C11orf97: variants seen among roughly 807,000 people sequenced by gnomAD.
The protein encoded by C11orf97 is uncharacterized protein C11orf97.
C11orf97 carries 15 observed loss-of-function variants against 16.2 expected under a neutral mutation model. The observed-to-expected ratio is 0.93, with a 90% CI of 0.62 to 1.43. The LOEUF (loss-of-function observed/expected upper bound fraction) is 1.43. Among genes scored for constraint, C11orf97 ranks in the 40% most tolerant of loss-of-function variants. The pLI is 0.00. For synonymous variants in C11orf97, 61 were observed against 65.7 expected (o/e 0.93, Z 0.34); for missense variants, 171 against 161.2 (o/e 1.06, Z -0.33).
At chr11:94,516,435 A>G (rs1186480651) in intron 1 of C11orf97, among the ~76,000 whole-genome samples, 1 of 152,222 alleles carries the variant, frequency 6.6e-6, no homozygotes, top group Non-Finnish European at 1.5e-5. Context: ...ACATGCACAC[A>G]GTCTTTAGTT....
In C11orf97 at chr11:94,512,488, G is replaced by GA; in HGVS notation, c.-39dup. On this transcript the variant is annotated 5_prime_UTR_variant, in exon 1 of 4. Transcript: ENST00000542198. ...GCTGGGCTGCCTGCGACTGAGCTGAGAAGGAAACCGTGCCCAGGGCTCTCG... is the reference window on the plus strand; with the variant it reads ...GCTGGGCTGCCTGCGACTGAGCTGAGAAAGGAAACCGTGCCCAGGGCTCTCG... 2 of 1,270,040 alleles carry GA rather than the reference G, an allele frequency of 1.6e-6. No homozygotes were observed. Among genetic ancestry groups the GA allele is most frequent in the Non-Finnish European group, 2.0e-6 (2 of 1,007,390 alleles). The allele number at this position is 1,270,040 out of a possible 1,614,324, so 78.7% of individuals were successfully genotyped here.
chr11:94,520,869 C>T (rs1307619706), intron 2 of C11orf97, among the ~76,000 whole-genome samples: 4 of 152,198 alleles, frequency 2.6e-5, no homozygotes, highest in African/African-American at 7.2e-5. Flanking sequence ...AAACATAAAT[C>T]GTTACATGTC....
intron 2 of C11orf97, among the ~76,000 whole-genome samples, chr11:94,517,964 A>G (rs1437133964): frequency 2.6e-5 from 4 of 152,056 alleles, no homozygotes; most frequent in Non-Finnish European, 5.9e-5. Flanking sequence ...CCTGGCTAAC[A>G]CGGTGAAAAC....
chr11:94,529,261 T>G (rs1947721085), intron 3 of C11orf97, among the ~76,000 whole-genome samples: 1 of 152,024 alleles, frequency 6.6e-6, no homozygotes, highest in Non-Finnish European at 1.5e-5. Flanking sequence ...TCAATAAAAG[T>G]GTCACATAGG....
At chr11:94,528,467 T>C (rs1231661971) in intron 3 of C11orf97, among the ~76,000 whole-genome samples, 2 of 152,070 alleles carry the variant, frequency 1.3e-5, no homozygotes, top group Non-Finnish European at 2.9e-5. Flanking sequence ...TTTTCTTTAC[T>C]TTCTATCTAC....
chr11:94,524,074 T>C (rs1406912414), intron 2 of C11orf97, among the ~76,000 whole-genome samples: 2 of 152,120 alleles, frequency 1.3e-5, no homozygotes, highest in African/African-American at 4.8e-5. Context: ...TGTCTTTTTA[T>C]ATGATGATGT....
chr11:94,513,481 C>T (rs1947584970), intron 1 of C11orf97, among the ~76,000 whole-genome samples: 1 of 152,240 alleles, frequency 6.6e-6, no homozygotes, highest in African/African-American at 2.4e-5. Flanking sequence ...TTCCAGCCTT[C>T]CTGCAGCACC....
chr11:94,526,928 T>C (rs946047602), intron 2 of C11orf97, among the ~76,000 whole-genome samples: 9 of 152,338 alleles, frequency 5.9e-5, no homozygotes, highest in African/African-American at 2.2e-4. Context: ...GCTCAATGAC[T>C]GTACCTCCAG....
intron 2 of C11orf97, among the ~76,000 whole-genome samples, chr11:94,524,569 A>C (rs1003271231): frequency 3.0e-5 from 4 of 131,988 alleles, no homozygotes; most frequent in Non-Finnish European, 6.3e-5. Context: ...TCTACTTGAA[A>C]AGGTTAACCT....
intron 1 of C11orf97, 86 bp from the exon 2 acceptor site, chr11:94,517,497 A>T (rs996090490): frequency 6.5e-5 from 45 of 687,498 alleles, no homozygotes; most frequent in Non-Finnish European, 9.4e-5. Flanking sequence ...GTCTTCTTTT[A>T]AAAAAATTGT....
intron 2 of C11orf97, among the ~76,000 whole-genome samples, chr11:94,518,389 A>G (rs1471956511): frequency 1.4e-5 from 2 of 143,850 alleles, no homozygotes; most frequent in Non-Finnish European, 3.0e-5. Flanking sequence ...CCCCTAGCAT[A>G]TTTGGCACAG....
At chr11:94,525,711 T>G (rs1947695823) in intron 2 of C11orf97, among the ~76,000 whole-genome samples, 2 of 152,246 alleles carry the variant, frequency 1.3e-5, no homozygotes, top group South Asian at 4.1e-4. Context: ...AGTCAAACTC[T>G]GACCTTGCTT....
At chr11:94,517,783 TAA>T (rs1947623390) in intron 2 of C11orf97, 96 bp downstream of exon 2, 1 of 846,210 alleles carries the variant, frequency 1.2e-6, no homozygotes, top group Non-Finnish European at 1.7e-6. Flanking sequence ...ACTATTGAAA[TAA>T]AAAGTTTTTG....
intron 3 of C11orf97, among the ~76,000 whole-genome samples, chr11:94,530,755 A>C (rs1031975337): frequency 6.6e-6 from 1 of 152,338 alleles, no homozygotes; most frequent in Admixed American, 6.5e-5. Flanking sequence ...CGTTTTCTCT[A>C]CTTGAGACCA....
At chr11:94,514,640 CTTTTTTTTTT>C (rs10562282) in intron 1 of C11orf97, among the ~76,000 whole-genome samples, 1 of 82,468 alleles carries the variant, frequency 1.2e-5, no homozygotes, top group African/African-American at 4.7e-5. Flanking sequence ...TTATTTTTGC[CTTTTTTTTTT>C]TTTTTTTTTT....
chr11:94,531,269 G>A (rs539209433), intron 3 of C11orf97, among the ~76,000 whole-genome samples: 4 of 152,032 alleles, frequency 2.6e-5, no homozygotes, highest in African/African-American at 7.2e-5. Flanking sequence ...GCGAAACCCC[G>A]TCTCTACTAA....
At chr11:94,515,109 T>C (rs142028876) in intron 1 of C11orf97, among the ~76,000 whole-genome samples, 9 of 152,216 alleles carry the variant, frequency 5.9e-5, no homozygotes, top group African/African-American at 2.2e-4. Context: ...TATGAATAAT[T>C]TGTAATAACC....
At chr11:94,516,363 A>G (rs614424) in intron 1 of C11orf97, among the ~76,000 whole-genome samples, 88,123 of 152,074 alleles carry the variant, frequency 0.58, 25,849 homozygotes, top group African/African-American at 0.63. Flanking sequence ...GAGCTTTTGG[A>G]TACTGAGATT....
chr11:94,529,416 G>C (rs16924613), intron 3 of C11orf97, among the ~76,000 whole-genome samples: 1,583 of 152,282 alleles, frequency 0.01, 28 homozygotes, highest in African/African-American at 0.037. Flanking sequence ...TAGCAAACAG[G>C]AGCCAGTTAG....
Sources: gnomAD v4.1 joint callset for allele counts (sites outside exome capture counted in the v4.1 genomes callset) on GRCh38, gnomAD v4.1.1 for gene constraint, MANE v1.5 for transcripts, NCBI Gene and HGNC (gene_info 2026-07-23, HGNC 2026-07-21) for gene names.